Variants in TNFRSF10B observed in about 807,000 individuals in gnomAD.
TNFRSF10B encodes tumor necrosis factor receptor superfamily member 10B.
A neutral mutation model predicts 41.4 loss-of-function variants in TNFRSF10B; 35 were observed. The ratio of observed to expected loss-of-function variants is 0.85; its 90% CI spans 0.65 to 1.12. TNFRSF10B has a LOEUF of 1.12. TNFRSF10B is among the 50% of genes most tolerant of loss of function. The probability of loss-of-function intolerance (pLI) is 0.00; values close to 1 mark genes in which losing one functional copy is unlikely to be tolerated. For missense variants in TNFRSF10B, 584 were observed against 552.7 expected (o/e 1.06, Z -0.57); for synonymous variants, 230 against 215.5 (o/e 1.07, Z -0.59).
In TNFRSF10B at chr8:23,056,910, A is replaced by G. The variant is rs570757812; in HGVS notation, c.144+11841T>C. On this transcript the variant is annotated intron_variant, in intron 1 of 8. Transcript: ENST00000276431. The stretch of plus-strand genomic sequence containing the variant: ...GAGACTTTACTTAGACTTATTTTAT[A>G]GCCCAGAATATGGGCTATAAAATGA... Among the ~76,000 whole-genome samples the G allele has an allele frequency of 3.9e-5, 6 of 152,270 alleles. No homozygotes were observed. In the East Asian group the frequency reaches 1.2e-3, roughly 29 times the overall value.
chr8:23,041,755 C>T (rs1414441624), intron 2 of TNFRSF10B, among the ~76,000 whole-genome samples: 1 of 152,148 alleles, frequency 6.6e-6, no homozygotes, highest in African/African-American at 2.4e-5. Flanking sequence ...ACATCTCAGT[C>T]CTTGACACTT....
intron 1 of TNFRSF10B, among the ~76,000 whole-genome samples, chr8:23,057,605 G>T (rs1054327784): frequency 6.6e-6 from 1 of 151,380 alleles, no homozygotes; most frequent in East Asian, 2.0e-4. Context: ...GCTGATTTTT[G>T]TATTTTTAGT....
intron 2 of TNFRSF10B, among the ~76,000 whole-genome samples, chr8:23,033,087 C>G (rs903157178): frequency 1.3e-5 from 2 of 152,168 alleles, no homozygotes; most frequent in African/African-American, 4.8e-5. Context: ...AACAAAAACA[C>G]AAGCATACAA....
intron 1 of TNFRSF10B, among the ~76,000 whole-genome samples, chr8:23,066,244 C>G (rs1812975669): frequency 6.6e-6 from 1 of 152,142 alleles, no homozygotes; most frequent in Admixed American, 6.5e-5. Context: ...GACTGTGCCA[C>G]TGCACTCCAG....
intron 2 of TNFRSF10B, among the ~76,000 whole-genome samples, chr8:23,034,717 C>T (rs149987575): frequency 1.3e-5 from 2 of 152,336 alleles, no homozygotes; most frequent in South Asian, 2.1e-4. Context: ...CAGAGTGATA[C>T]CCTGCCTGTA....
In TNFRSF10B at chr8:23,020,829, T is replaced by TC; in HGVS notation, c.*1841dup. 1 of 454,114 alleles carries TC rather than the reference T, an allele frequency of 2.2e-6. No homozygotes were observed. The highest frequency in any genetic ancestry group is 2.0e-5 in the African/African-American group (1 of 50,122). The allele number at this position is 454,114 out of a possible 1,614,324, so 28.1% of individuals were successfully genotyped here. A position where few individuals can be genotyped will look rare whatever the true frequency, so the allele number is the denominator to read the frequency against. On this transcript the variant is annotated 3_prime_UTR_variant, in exon 9 of 9. Coordinates refer to ENST00000276431, the MANE Select transcript of TNFRSF10B (RefSeq NM_003842.5). ...ACCTTCTGAGCCCTGAGGCTGAGCG[T>TC]CCTGCACAGAAGGCCCAGCAAAGGC... is the stretch of plus-strand genomic sequence containing the variant.
At chr8:23,041,617 A>AC (rs1812205027) in intron 2 of TNFRSF10B, among the ~76,000 whole-genome samples, 1 of 152,044 alleles carries the variant, frequency 6.6e-6, no homozygotes, top group Admixed American at 6.6e-5. Context: ...AAAAAAAAAA[A>AC]AAAAAACCTA....
chr8:23,062,779 T>A (rs1812868961), intron 1 of TNFRSF10B, among the ~76,000 whole-genome samples: 1 of 152,252 alleles, frequency 6.6e-6, no homozygotes, highest in South Asian at 2.1e-4. Flanking sequence ...TATTTTCATA[T>A]GCATCAGTAC....
chr8:23,036,139 G>A (rs1387874365), intron 2 of TNFRSF10B, among the ~76,000 whole-genome samples: 4 of 152,144 alleles, frequency 2.6e-5, no homozygotes, highest in Non-Finnish European at 4.4e-5. Context: ...CTGGGCCTTA[G>A]TGCAGACTGA....
chr8:23,024,101 A>C, intron 8 of TNFRSF10B, 87 bp downstream of exon 8: 24 of 1,544,796 alleles, frequency 1.6e-5, no homozygotes, highest in Non-Finnish European at 2.1e-5. Flanking sequence ...ATACTCTGGA[A>C]GAGCCCTCTG....
rs556298740 is a variant in TNFRSF10B, at chr8:23,060,657, A to AT, written c.144+8093dup. Among the ~76,000 whole-genome samples, 42 of 152,306 alleles carry AT rather than the reference A, an allele frequency of 2.8e-4. 2 individuals carry two copies. In the South Asian group the frequency reaches 7.9e-3, roughly 29 times the overall value. On this transcript the variant is annotated intron_variant, in intron 1 of 8. Transcript: ENST00000276431. ...AAATTCCATATGAATTTTAGGATAC[A>AT]TTTTTTCATTTCTGCAAAAATGTCC...
chr8:23,050,654 C>T (rs1812498810), intron 1 of TNFRSF10B, among the ~76,000 whole-genome samples: 2 of 152,168 alleles, frequency 1.3e-5, no homozygotes. Context: ...GTAATTTAGA[C>T]ACTTAGAAAT....
chr8:23,024,988 A>G (rs1276045568), intron 7 of TNFRSF10B, among the ~76,000 whole-genome samples: 1 of 128,858 alleles, frequency 7.8e-6, no homozygotes, highest in Non-Finnish European at 1.7e-5. Flanking sequence ...AAAATAAAAT[A>G]AAATAAAATA....
chr8:23,030,695 G>A, intron 3 of TNFRSF10B, 64 bp downstream of exon 3: 1 of 1,273,816 alleles, frequency 7.9e-7, no homozygotes, highest in Admixed American at 2.0e-5. Flanking sequence ...TCCCATTTTA[G>A]CTACAACTTT....
Position 23,020,455 on chromosome 8 carries a change from G to A in TNFRSF10B, c.*2216C>T, listed in dbSNP as rs1483708407. The A allele has an allele frequency of 8.8e-6, 4 of 454,012 alleles. No individual in the cohort carries two copies. Among genetic ancestry groups the A allele is most frequent in the Admixed American group, 4.7e-5 (2 of 42,566 alleles). The allele number at this position is 454,012 out of a possible 1,614,324, so 28.1% of individuals were successfully genotyped here. A position where few individuals can be genotyped will look rare whatever the true frequency, so the allele number is the denominator to read the frequency against. On this transcript the variant is annotated 3_prime_UTR_variant, in exon 9 of 9. Transcript: ENST00000276431. ...TCACGCCTGTAATCCCAGCACTTTC[G>A]GAGGCCAAGGTGGATCACCTGAGGT...
chr8:23,028,786 C>T (rs766778551), intron 4 of TNFRSF10B, among the ~76,000 whole-genome samples, 184 bp from the exon 5 acceptor site: 1 of 152,200 alleles, frequency 6.6e-6, no homozygotes, highest in Non-Finnish European at 1.5e-5. Flanking sequence ...TCTGAGCATG[C>T]GCACTTCAGC....
Position 23,029,642 on chromosome 8 carries a change from A to C in TNFRSF10B, c.444T>G (p.Asp148Glu). The part of the protein sequence containing the change: ...QCEEGTFREE[D>E]SPEMCRKCRT... ...GGCACTTCCGGCACATCTCAGGAGA[A>C]TCTTCTTCCCGGAAGGTGCCTTCTT... Residue 148 changes from aspartate to glutamate, a missense_variant, in exon 4 of 9, where the codon GAT becomes GAG. Asp to Glu is a conservative substitution (Grantham distance 45, BLOSUM62 2). Transcript: ENST00000276431. 1.2e-6 allele frequency: 2 copies of C among 1,613,226 alleles called. No individual in the cohort carries two copies. Among genetic ancestry groups the C allele is most frequent in the Non-Finnish European group, 1.7e-6 (2 of 1,179,704 alleles).
In TNFRSF10B at chr8:23,028,067, C is replaced by T. The variant is rs1234754911; in HGVS notation, c.748+264G>A. The T allele has an allele frequency of 5.0e-6, 3 of 604,808 alleles. No individual in the cohort carries two copies. In the East Asian group the frequency reaches 8.4e-5, roughly 17 times the overall value. The allele number at this position is 604,808 out of a possible 1,614,324, so 37.5% of individuals were successfully genotyped here. ...GCCGACTGCCCCCTGCCTGGCTGGG[C>T]CTGAAGATGGGAGGAACTGGCCCTG... is the stretch of plus-strand genomic sequence containing the variant. On this transcript the variant is annotated intron_variant, in intron 5 of 8. Transcript: ENST00000276431.
intron 4 of TNFRSF10B, 25 bp from the exon 5 acceptor site, chr8:23,028,627 G>A: frequency 1.9e-6 from 3 of 1,612,952 alleles, no homozygotes; most frequent in Non-Finnish European, 2.5e-6. Flanking sequence ...AGAGGGAGAG[G>A]GGGGACTCTT....
Sources: gnomAD v4.1 joint callset for allele counts (sites outside exome capture counted in the v4.1 genomes callset) on GRCh38, gnomAD v4.1.1 for gene constraint, MANE v1.5 for transcripts, NCBI Gene and HGNC (gene_info 2026-07-23, HGNC 2026-07-21) for gene names.